MSH3: variants seen among roughly 807,000 people sequenced by gnomAD.
MSH3 encodes the protein mutS homolog 3.
Under a neutral mutation model 123.3 loss-of-function variants are expected in MSH3, and 106 were observed. The observed-to-expected ratio is 0.86, with a 90% confidence interval of 0.73 to 1.01. The LOEUF (loss-of-function observed/expected upper bound fraction) is 1.01. Ranked by LOEUF, MSH3 falls within the 50% of genes least tolerant of loss-of-function variation. The pLI is 0.00. For synonymous variants in MSH3, 515 were observed against 481.4 expected (o/e 1.07, Z -0.91); for missense variants, 1,459 against 1,347.6 (o/e 1.08, Z -1.29).
At chr5:80,789,325 A>G (rs2112022429) in intron 18 of MSH3, among the ~76,000 whole-genome samples, 1 of 151,924 alleles carries the variant, frequency 6.6e-6, no homozygotes, top group South Asian at 2.1e-4. Context: ...GTCTCTCTCC[A>G]ACAGATGATT....
chr5:80,867,028 C>T (rs943667867), intron 22 of MSH3, among the ~76,000 whole-genome samples: 1 of 152,204 alleles, frequency 6.6e-6, no homozygotes, highest in African/African-American at 2.4e-5. Flanking sequence ...TGTCCTCCTG[C>T]TCATCTGAAC....
intron 23 of MSH3, among the ~76,000 whole-genome samples, chr5:80,875,187 G>A (rs960211870): frequency 5.3e-5 from 8 of 152,064 alleles, no homozygotes; most frequent in African/African-American, 1.7e-4. Flanking sequence ...TATAGTTGGG[G>A]AAAGTGAGAC....
intron 20 of MSH3, among the ~76,000 whole-genome samples, chr5:80,832,213 A>C (rs1036556143): frequency 6.6e-6 from 1 of 152,244 alleles, no homozygotes; most frequent in South Asian, 2.1e-4. Flanking sequence ...AAGCACATTC[A>C]TAGAGACAGA....
chr5:80,840,244 A>G (rs1037591461), intron 20 of MSH3, among the ~76,000 whole-genome samples: 1 of 152,168 alleles, frequency 6.6e-6, no homozygotes, highest in African/African-American at 2.4e-5. Context: ...ATATATATGT[A>G]TATCATTCTA....
chr5:80,873,658 A>G (rs27887), intron 23 of MSH3, among the ~76,000 whole-genome samples: 107,332 of 152,046 alleles, frequency 0.71, 37,894 homozygotes, highest in South Asian at 0.8. Context: ...TGCAACGATT[A>G]CATCCAGAAA....
At chr5:80,863,381 A>G (rs1228925638) in intron 21 of MSH3, among the ~76,000 whole-genome samples, 2 of 152,106 alleles carry the variant, frequency 1.3e-5, no homozygotes, top group East Asian at 1.9e-4. Flanking sequence ...TAAGAAATAC[A>G]TTGGTTTGGC....
At chr5:80,815,031 G>C (rs1388912810) in intron 20 of MSH3, among the ~76,000 whole-genome samples, 1 of 152,180 alleles carries the variant, frequency 6.6e-6, no homozygotes, top group Non-Finnish European at 1.5e-5. Flanking sequence ...AGAGTGTCTT[G>C]AGTTGTTGTC....
chr5:80,720,519 G>T (rs1480716383), intron 8 of MSH3, among the ~76,000 whole-genome samples: 3 of 151,528 alleles, frequency 2.0e-5, no homozygotes, highest in Non-Finnish European at 4.4e-5. Context: ...TTATTCAGTT[G>T]TGTGCCTTCT....
chr5:80,683,168 G>A (rs1256308652), intron 8 of MSH3, among the ~76,000 whole-genome samples: 1 of 152,110 alleles, frequency 6.6e-6, no homozygotes, highest in African/African-American at 2.4e-5. Context: ...AGTAAACATG[G>A]GAGTGCACAT....
At chr5:80,777,845 T>G (rs547529183) in intron 16 of MSH3, among the ~76,000 whole-genome samples, 90 of 152,314 alleles carry the variant, frequency 5.9e-4, no homozygotes, top group Non-Finnish European at 1.1e-3. Context: ...ATCATCATAA[T>G]GACAGCATTA....
chr5:80,806,372 C>T (rs1744891991), intron 19 of MSH3, among the ~76,000 whole-genome samples: 1 of 152,230 alleles, frequency 6.6e-6, no homozygotes, highest in African/African-American at 2.4e-5. Context: ...GCTGGGATTA[C>T]ATGCGTGAGC....
At position 80,761,587 on chromosome 5, in the gene MSH3, A is replaced by G. The variant is rs77904128; in HGVS notation, c.1805A>G (p.His602Arg). 1 of 1,614,110 alleles carries G rather than the reference A, an allele frequency of 6.2e-7. No individual in the cohort carries two copies. The highest frequency in any genetic ancestry group is 8.5e-7 in the Non-Finnish European group (1 of 1,180,004). Residue 602 changes from histidine (H) to arginine (R), a missense_variant, in exon 13 of 24, where the codon CAT becomes CGT. Transcript: ENST00000265081. ...CTTGATGCTGTATCGGAAGTTCTCC[A>G]TTCAGAATCTAGTGTGTTTGGTCAG... ...ARLDAVSEVL[H>R]SESSVFGQIE... is the part of the protein sequence containing the mutation.
rs1743611791 is a variant in MSH3 at position 80,741,454 on chromosome 5, T to C, written c.1569-10T>C. The C allele has an allele frequency of 6.6e-7, 1 of 1,512,768 alleles. No individual in the cohort carries two copies. Among genetic ancestry groups the C allele is most frequent in the Admixed American group, 1.7e-5 (1 of 59,892 alleles). The allele number at this position is 1,512,768 out of a possible 1,614,324, so 93.7% of individuals were successfully genotyped here. A position where few individuals can be genotyped will look rare whatever the true frequency, so the allele number is the denominator to read the frequency against. On this transcript the variant is annotated splice_polypyrimidine_tract_variant and intron_variant, in intron 10 of 23. Coordinates refer to ENST00000265081, the MANE Select transcript of MSH3 (RefSeq NM_002439.5). Reference sequence around the variant, plus strand: ...TACATCTAGGCTAATTATATTTGATTCTTTTACAGGAATTTTAAACAGCTA... The same window carrying C: ...TACATCTAGGCTAATTATATTTGATCCTTTTACAGGAATTTTAAACAGCTA...
At chr5:80,809,198 C>A (rs1445975799) in intron 19 of MSH3, among the ~76,000 whole-genome samples, 2 of 151,836 alleles carry the variant, frequency 1.3e-5, no homozygotes, top group African/African-American at 4.8e-5. Context: ...GCACGTAAGG[C>A]TAGGATTTCT....
At chr5:80,659,710 C>T (rs1749385270) in intron 2 of MSH3, among the ~76,000 whole-genome samples, 1 of 151,976 alleles carries the variant, frequency 6.6e-6, no homozygotes, top group Non-Finnish European at 1.5e-5. Flanking sequence ...GTTATGCACC[C>T]ACCACCACCA....
chr5:80,678,968 C>A lies in MSH3; in HGVS notation c.1215C>A (p.Phe405Leu). 6.2e-7 allele frequency: 1 copy of A among 1,614,066 alleles called. No homozygotes were observed. The highest frequency in any genetic ancestry group is 8.5e-7 in the Non-Finnish European group (1 of 1,180,006). The change falls in exon 8 of 24, where the codon TTC (phenylalanine) becomes TTA (leucine). Residue 405 changes from phenylalanine to leucine, a missense_variant. Transcript: ENST00000265081. ...PATGEVVFDS[F>L]QDSASRSELE... Reference sequence around the variant, plus strand: ...CAGGCGAGGTTGTGTTTGATAGTTTCCAGGACTCTGCTTCTCGTTCAGAGC... The same window carrying A: ...CAGGCGAGGTTGTGTTTGATAGTTTACAGGACTCTGCTTCTCGTTCAGAGC...
intron 18 of MSH3, 23 bp downstream of exon 18, chr5:80,787,695 C>A (rs1255841940): frequency 1.4e-6 from 2 of 1,440,528 alleles, no homozygotes; most frequent in East Asian, 2.3e-5. Flanking sequence ...TCATTTTCCT[C>A]TTTATCAGTG....
intron 8 of MSH3, among the ~76,000 whole-genome samples, chr5:80,718,777 C>T (rs1373187229): frequency 1.3e-5 from 2 of 151,760 alleles, no homozygotes; most frequent in African/African-American, 2.4e-5. Flanking sequence ...ACAAGTCTTG[C>T]TTTTTAAAGT....
chr5:80,797,663 T>G (rs1359921559), intron 19 of MSH3, among the ~76,000 whole-genome samples: 3 of 152,210 alleles, frequency 2.0e-5, no homozygotes, highest in Admixed American at 2.0e-4. Context: ...CATAAACATA[T>G]TTTAAGGCAA....
Sources: gnomAD v4.1 joint callset for allele counts (sites outside exome capture counted in the v4.1 genomes callset) on GRCh38, gnomAD v4.1.1 for gene constraint, MANE v1.5 for transcripts, NCBI Gene and HGNC (gene_info 2026-07-23, HGNC 2026-07-21) for gene names.